The following FRMD3 variants were observed in gnomAD, a reference collection of about 807,000 sequenced individuals.
FRMD3 encodes FERM domain-containing protein 3.
In FRMD3, 33 loss-of-function variants were observed where a neutral mutation model predicts 70.2. The observed-to-expected ratio is 0.47, with a 90% CI of 0.36 to 0.63. The LOEUF is 0.63. Ranked by LOEUF, FRMD3 falls within the 20% of genes least tolerant of loss-of-function variation. The pLI is 0.00. For missense variants in FRMD3, 632 were observed against 711.4 expected, an observed-to-expected ratio of 0.89 and a Z score of 1.27; for synonymous variants, 279 against 255.9, an observed-to-expected ratio of 1.09 and a Z score of -0.86.
the FRMD3 span, among the ~76,000 whole-genome samples, chr9:83,553,680 A>C: frequency 6.6e-6 from 1 of 152,072 alleles, no homozygotes; most frequent in Non-Finnish European, 1.5e-5. Flanking sequence ...GCATTGTGAA[A>C]TTTTTGTGTT....
In FRMD3 at chr9:83,248,465, G is replaced by C. The variant is rs1468571794; in HGVS notation, c.1247C>G (p.Ser416Cys). ...ATACTCCCGGGCTGCCTTCACTGGGGAGCTGGAGATCAAGGGAGCAGAAAT... is the reference window on the plus strand; with the variant it reads ...ATACTCCCGGGCTGCCTTCACTGGGCAGCTGGAGATCAAGGGAGCAGAAAT... ...ENISAPLISS[S>C]PVKAAREYED... Residue 416 changes from serine to cysteine, a missense_variant, in exon 14 of 14, where the codon TCC becomes TGC. Ser to Cys is a moderately radical substitution (Grantham distance 112, BLOSUM62 -1). Coordinates refer to ENST00000304195, the MANE Select transcript of FRMD3 (RefSeq NM_174938.6). 1.2e-6 allele frequency: 2 copies of C among 1,613,408 alleles called. No homozygotes were observed. The highest frequency in any genetic ancestry group is 2.2e-5 in the East Asian group (1 of 44,890).
intron 12 of FRMD3, among the ~76,000 whole-genome samples, chr9:83,297,159 T>C (rs1195960354): frequency 6.6e-6 from 1 of 152,244 alleles, no homozygotes; most frequent in Non-Finnish European, 1.5e-5. Flanking sequence ...TTGGAATATG[T>C]ATCTCTGAAA....
intron 6 of FRMD3, among the ~76,000 whole-genome samples, chr9:83,321,306 T>C (rs562031397): frequency 1.3e-5 from 2 of 152,330 alleles, no homozygotes; most frequent in East Asian, 3.9e-4. Context: ...TTTTTTGATG[T>C]AGGCGTTTAA....
At chr9:83,480,876 A>G (rs1828553217) in intron 1 of FRMD3, among the ~76,000 whole-genome samples, 1 of 152,224 alleles carries the variant, frequency 6.6e-6, no homozygotes, top group Non-Finnish European at 1.5e-5. Flanking sequence ...CGGATTTTGT[A>G]TCTTCAGAGG....
rs1234249151 is a variant in FRMD3 at position 83,246,497 on chromosome 9, T to C, written c.*1421A>G. On this transcript the variant is annotated 3_prime_UTR_variant, in exon 14 of 14. Coordinates refer to ENST00000304195, the MANE Select transcript of FRMD3 (RefSeq NM_174938.6). ...GTCTGGTTAGGGTCATGTCACTACT[T>C]TACCCAGGCTGAACTGGTATGTCAT... 1.0e-6 allele frequency: 1 copy of C among 985,158 alleles called. No homozygotes were observed. The highest frequency in any genetic ancestry group is 1.2e-6 in the Non-Finnish European group (1 of 829,912). 61.0% of individuals were successfully genotyped at this position (985,158 alleles called of 1,614,324 possible). A position where few individuals can be genotyped will look rare whatever the true frequency, so the allele number is the denominator to read the frequency against.
intron 3 of FRMD3, among the ~76,000 whole-genome samples, chr9:83,355,393 C>T (rs570177595): frequency 1.3e-5 from 2 of 152,262 alleles, no homozygotes; most frequent in East Asian, 3.9e-4. Flanking sequence ...GCATGGTCAC[C>T]CCATGGGAGA....
At chr9:83,395,597 C>T (rs1438742790) in intron 1 of FRMD3, among the ~76,000 whole-genome samples, 3 of 152,110 alleles carry the variant, frequency 2.0e-5, no homozygotes, top group African/African-American at 7.2e-5. Context: ...GTTTTCTGTT[C>T]CTGCTTTAGT....
intron 1 of FRMD3, among the ~76,000 whole-genome samples, chr9:83,469,791 A>G (rs1279916126): frequency 6.6e-6 from 1 of 152,234 alleles, no homozygotes. Flanking sequence ...GTGGTCATAC[A>G]TAATTAAAAC....
Position 83,311,993 on chromosome 9 carries a change from GAA to G in FRMD3, c.685-20_685-19del, listed in dbSNP as rs770393958. On this transcript the variant is annotated intron_variant, in intron 7 of 13. Coordinates refer to ENST00000304195, the MANE Select transcript of FRMD3 (RefSeq NM_174938.6). ...GTTGAATCCTGAAAAAAAAAAAAAA[GAA>G]AAAAGAAAAATCTGTTTAGATTGAG... The G allele has an allele frequency of 7.5e-7, 1 of 1,330,060 alleles. No homozygotes were observed. Among genetic ancestry groups the G allele is most frequent in the Non-Finnish European group, 1.0e-6 (1 of 968,290 alleles). 82.4% of individuals were successfully genotyped at this position (1,330,060 alleles called of 1,614,324 possible).
chr9:83,266,706 C>T (rs1833271696), intron 13 of FRMD3, among the ~76,000 whole-genome samples: 1 of 152,146 alleles, frequency 6.6e-6, no homozygotes, highest in Non-Finnish European at 1.5e-5. Flanking sequence ...TGTTATGGAA[C>T]AATCTGGAGG....
At chr9:83,501,639 A>G (rs1224150223) in intron 1 of FRMD3, among the ~76,000 whole-genome samples, 1 of 152,254 alleles carries the variant, frequency 6.6e-6, no homozygotes, top group Non-Finnish European at 1.5e-5. Flanking sequence ...CTGAGCCAGA[A>G]CATTAGAATA....
At chr9:83,541,900 A>G (rs187245367), upstream of FRMD3, among the ~76,000 whole-genome samples, 27 of 152,192 alleles carry the variant, frequency 1.8e-4, no homozygotes, top group Non-Finnish European at 3.2e-4. Flanking sequence ...CCAAATCTGA[A>G]CCTGTCCCCC....
At chr9:83,376,751 C>T (rs76727166) in intron 2 of FRMD3, among the ~76,000 whole-genome samples, 1,541 of 151,550 alleles carry the variant, frequency 0.01, 30 homozygotes, top group African/African-American at 0.034. Flanking sequence ...GTGCTATATT[C>T]CTTTTGATAT....
At chr9:83,582,605 T>C in the FRMD3 span, among the ~76,000 whole-genome samples, 3 of 152,102 alleles carry the variant, frequency 2.0e-5, no homozygotes, top group African/African-American at 7.2e-5. Context: ...GGTATAAAAC[T>C]CTCCATAGCA....
At chr9:83,267,076 G>A in intron 13 of FRMD3, 7 of 1,550,898 alleles carry the variant, frequency 4.5e-6, no homozygotes, top group Non-Finnish European at 6.1e-6. Flanking sequence ...TACTGTTGCA[G>A]TGGTTCACCA....
At chr9:83,409,895 C>G (rs558364977) in intron 1 of FRMD3, among the ~76,000 whole-genome samples, 1 of 152,324 alleles carries the variant, frequency 6.6e-6, no homozygotes, top group African/African-American at 2.4e-5. Context: ...CGTTTTCCAA[C>G]CAACCGGTCT....
At chr9:83,316,019 G>T (rs1394635647) in intron 6 of FRMD3, among the ~76,000 whole-genome samples, 1 of 152,058 alleles carries the variant, frequency 6.6e-6, no homozygotes, top group Non-Finnish European at 1.5e-5. Context: ...ATCTTCCACA[G>T]ATGTTGCAGG....
chr9:83,507,366 CA>C (rs61570991), intron 1 of FRMD3, among the ~76,000 whole-genome samples: 1,631 of 46,702 alleles, frequency 0.035, 15 homozygotes, highest in African/African-American at 0.042. Flanking sequence ...GACTCCGTCT[CA>C]AAAAAAAAAA....
upstream of FRMD3, among the ~76,000 whole-genome samples, chr9:83,539,311 G>A (rs1829968944): frequency 1.3e-5 from 2 of 152,218 alleles, no homozygotes; most frequent in South Asian, 4.1e-4. Context: ...TGTCCCCAAG[G>A]TGGCTAGAGC....
Sources: allele counts gnomAD v4.1 joint callset (sites outside exome capture counted in the v4.1 genomes callset), GRCh38; gene constraint gnomAD v4.1.1; transcripts MANE v1.5; gene names NCBI Gene and HGNC (gene_info 2026-07-23, HGNC 2026-07-21).